OXR1: variants seen among roughly 807,000 people sequenced by gnomAD.
OXR1 encodes the protein oxidation resistance protein 1.
OXR1 carries 41 observed loss-of-function variants against 104.6 expected under a neutral mutation model. The ratio of observed to expected loss-of-function variants is 0.39; its 90% confidence interval spans 0.31 to 0.51. The LOEUF is 0.51. Among genes scored for constraint, OXR1 ranks in the 20% least tolerant of loss-of-function variants. The pLI, the probability that OXR1 is intolerant of heterozygous loss-of-function variation, is 0.77. For synonymous variants in OXR1, 348 were observed against 348.4 expected (o/e 1.00, Z 0.01); for missense variants, 955 against 1,031.9 (o/e 0.93, Z 1.02).
At chr8:106,595,311 G>C (rs1819431868) in intron 3 of OXR1, among the ~76,000 whole-genome samples, 1 of 152,054 alleles carries the variant, frequency 6.6e-6, no homozygotes, top group African/African-American at 2.4e-5. Flanking sequence ...CAGCATTTTG[G>C]GAGGCCAAGG....
intron 3 of OXR1, among the ~76,000 whole-genome samples, chr8:106,547,440 C>T (rs902169890): frequency 2.0e-5 from 3 of 150,898 alleles, no homozygotes; most frequent in Non-Finnish European, 4.4e-5. Context: ...AGTATAATAT[C>T]TTCAAGGTTC....
chr8:106,452,119 A>G (rs539469511), intron 2 of OXR1, among the ~76,000 whole-genome samples: 1 of 152,176 alleles, frequency 6.6e-6, no homozygotes, highest in Non-Finnish European at 1.5e-5. Context: ...TCTGTCTGGT[A>G]AGCTCATGTG....
chr8:106,474,905 C>T (rs1821718669), intron 2 of OXR1, among the ~76,000 whole-genome samples: 2 of 151,950 alleles, frequency 1.3e-5, no homozygotes, highest in Admixed American at 1.3e-4. Flanking sequence ...TGATCACAGA[C>T]ATAGATTCTG....
intron 3 of OXR1, among the ~76,000 whole-genome samples, chr8:106,547,242 C>G (rs1815431705): frequency 6.6e-6 from 1 of 152,110 alleles, no homozygotes; most frequent in Non-Finnish European, 1.5e-5. Flanking sequence ...CACATCGCCA[C>G]CATTCATCTC....
intron 1 of OXR1, among the ~76,000 whole-genome samples, chr8:106,358,298 A>G (rs35454337): frequency 0.3 from 45,129 of 152,034 alleles, 6,952 homozygotes; most frequent in Admixed American, 0.38. Context: ...AAAGAAAAAT[A>G]AACTTTTTTT....
At chr8:106,275,497 CTG>C (rs1812000729) in intron 1 of OXR1, among the ~76,000 whole-genome samples, 1 of 152,158 alleles carries the variant, frequency 6.6e-6, no homozygotes, top group African/African-American at 2.4e-5. Flanking sequence ...CTTTCAAAGA[CTG>C]AACATTCTGT....
At chr8:106,289,982 C>T (rs1212481428) in intron 1 of OXR1, among the ~76,000 whole-genome samples, 1 of 152,158 alleles carries the variant, frequency 6.6e-6, no homozygotes, top group East Asian at 1.9e-4. Flanking sequence ...TCCCCTTCCA[C>T]CATGATTGTA....
At chr8:106,697,491 G>C in intron 7 of OXR1, 1 of 1,608,358 alleles carries the variant, frequency 6.2e-7, no homozygotes, top group South Asian at 1.1e-5. Context: ...TCTGTAGCCC[G>C]ATCACGTTCT....
Position 106,364,171 on chromosome 8 carries a change from A to G in OXR1, c.23+4535A>G, listed in dbSNP as rs765641321. 2.9e-4 allele frequency among the ~76,000 whole-genome samples: 44 copies of G among 152,244 alleles called. 1 individual carries two copies. The highest frequency in any genetic ancestry group is 5.6e-4 in the Non-Finnish European group (38 of 68,042). The stretch of plus-strand genomic sequence containing the variant: ...TTTTGACTAAATTTAGAAATGGTGA[A>G]TGATCTTCATTACATATGTATATCA... On this transcript the variant is annotated intron_variant, in intron 2 of 16. Coordinates refer to ENST00000517566, the MANE Select transcript of OXR1 (RefSeq NM_001198533.2).
At chr8:106,641,751 C>CA (rs1586950124) in intron 3 of OXR1, among the ~76,000 whole-genome samples, 2 of 151,556 alleles carry the variant, frequency 1.3e-5, no homozygotes, top group East Asian at 1.9e-4. Flanking sequence ...TTACCAGGGA[C>CA]AAAAAACAAA....
Position 106,445,181 on chromosome 8 carries a change from A to T in OXR1, c.24-73762A>T, listed in dbSNP as rs142118505. ...GGAGTACAGTGAAGTAGACAAACAC[A>T]CTCATCTTACGTATTTTATTTCTAG... On this transcript the variant is annotated intron_variant, in intron 2 of 16. Transcript: ENST00000517566. Among the ~76,000 whole-genome samples the T allele has an allele frequency of 3.9e-4, 59 of 152,236 alleles. No homozygotes were observed. The East Asian group carries it at 0.011, about 29-fold the overall frequency.
intron 1 of OXR1, among the ~76,000 whole-genome samples, chr8:106,280,895 T>C (rs1044440458): frequency 1.3e-5 from 2 of 152,286 alleles, no homozygotes; most frequent in East Asian, 3.9e-4. Flanking sequence ...TGCTCATCCA[T>C]GAGTTCTTTC....
At chr8:106,361,310 T>C (rs1305387971) in intron 2 of OXR1, among the ~76,000 whole-genome samples, 1 of 152,250 alleles carries the variant, frequency 6.6e-6, no homozygotes, top group Non-Finnish European at 1.5e-5. Flanking sequence ...GTAAGAATTC[T>C]TTCCATGTTA....
Position 106,565,820 on chromosome 8 carries a change from C to T in OXR1, c.220+46681C>T, listed in dbSNP as rs1586820777. ...AACAGAACAGAGGCCTCAGAAATAA[C>T]ACAACTACAACCATCTGATCTTTGA... is the stretch of plus-strand genomic sequence containing the variant. On this transcript the variant is annotated intron_variant, in intron 3 of 16. Coordinates refer to ENST00000517566, the MANE Select transcript of OXR1 (RefSeq NM_001198533.2). Among the ~76,000 whole-genome samples, 4 of 151,554 alleles carry T rather than the reference C, an allele frequency of 2.6e-5. 1 individual carries two copies. The South Asian group carries it at 8.3e-4, about 32-fold the overall frequency.
At chr8:106,441,279 G>A (rs983523880) in intron 2 of OXR1, among the ~76,000 whole-genome samples, 11 of 152,078 alleles carry the variant, frequency 7.2e-5, no homozygotes, top group Admixed American at 7.2e-4. Flanking sequence ...TGGTCTATAT[G>A]TGTGTTATGG....
intron 2 of OXR1, among the ~76,000 whole-genome samples, chr8:106,491,214 C>A (rs1586713829): frequency 6.6e-6 from 1 of 152,136 alleles, no homozygotes; most frequent in African/African-American, 2.4e-5. Context: ...AGATACTGGC[C>A]TTGCTTTCCT....
intron 1 of OXR1, among the ~76,000 whole-genome samples, chr8:106,291,530 C>T (rs1479779862): frequency 1.3e-5 from 2 of 152,162 alleles, no homozygotes; most frequent in African/African-American, 4.8e-5. Context: ...ACAGCAGTCT[C>T]CCACTTAACT....
intron 1 of OXR1, among the ~76,000 whole-genome samples, chr8:106,326,107 T>C (rs535306143): frequency 6.6e-6 from 1 of 152,350 alleles, no homozygotes; most frequent in Non-Finnish European, 1.5e-5. Context: ...TGTTCTGTGA[T>C]TGCTGATAAT....
intron 3 of OXR1, among the ~76,000 whole-genome samples, chr8:106,617,118 G>A (rs3134139): frequency 0.39 from 59,840 of 152,006 alleles, 12,107 homozygotes; most frequent in African/African-American, 0.48. Context: ...TACTTCTACC[G>A]GGATAACAGG....
Sources: allele counts gnomAD v4.1 joint callset (sites outside exome capture counted in the v4.1 genomes callset), GRCh38; gene constraint gnomAD v4.1.1; transcripts MANE v1.5; gene names NCBI Gene and HGNC (gene_info 2026-07-23, HGNC 2026-07-21).